Variants in ROBO2 observed in about 807,000 individuals in gnomAD.
The protein encoded by ROBO2 is roundabout homolog 2.
Under a neutral mutation model 160.8 loss-of-function variants are expected in ROBO2, and 53 were observed. The ratio of observed to expected loss-of-function variants is 0.33; its 90% CI spans 0.26 to 0.41. The LOEUF is 0.41. Among genes scored for constraint, ROBO2 ranks in the 10% least tolerant of loss-of-function variants. The pLI is 1.00. For synonymous variants in ROBO2, 664 were observed against 611.7 expected (o/e 1.09, Z -1.26); for missense variants, 1,577 against 1,722.4 (o/e 0.92, Z 1.49).
intron 21 of ROBO2, among the ~76,000 whole-genome samples, chr3:77,616,735 A>C (rs756871956): frequency 6.6e-5 from 10 of 152,132 alleles, no homozygotes; most frequent in Non-Finnish European, 1.3e-4. Context: ...AAAGCTATTG[A>C]TTTTGTCTCA....
intron 2 of ROBO2, among the ~76,000 whole-genome samples, chr3:77,304,285 C>CA (rs1189060808): frequency 1.7e-4 from 26 of 152,090 alleles, no homozygotes; most frequent in East Asian, 5.8e-4. Flanking sequence ...TAGTTTAAAA[C>CA]AAAAAAAGCT....
intron 2 of ROBO2, among the ~76,000 whole-genome samples, chr3:76,954,884 T>G (rs1160931614): frequency 6.6e-6 from 1 of 152,226 alleles, no homozygotes; most frequent in East Asian, 1.9e-4. Flanking sequence ...TAGAACATCC[T>G]TTCAATCATT....
chr3:76,734,143 G>A (rs796689874), intron 2 of ROBO2, among the ~76,000 whole-genome samples: 50 of 152,102 alleles, frequency 3.3e-4, no homozygotes, highest in African/African-American at 8.9e-4. Flanking sequence ...ACATGGGGGC[G>A]GGGGACAAAA....
intron 6 of ROBO2, among the ~76,000 whole-genome samples, chr3:77,542,958 A>C (rs979857190): frequency 6.6e-6 from 1 of 152,136 alleles, no homozygotes; most frequent in South Asian, 2.1e-4. Context: ...ATCTGTCCCT[A>C]TCTATATGAC....
chr3:76,349,867 G>A (rs1373816730), intron 2 of ROBO2, among the ~76,000 whole-genome samples: 1 of 152,036 alleles, frequency 6.6e-6, no homozygotes, highest in Non-Finnish European at 1.5e-5. Context: ...CGCTACAGAA[G>A]AGGAATTCCA....
intron 2 of ROBO2, among the ~76,000 whole-genome samples, chr3:77,354,129 T>C (rs2068727532): frequency 6.6e-6 from 1 of 152,170 alleles, no homozygotes; most frequent in African/African-American, 2.4e-5. Context: ...GCCTTGCCAT[T>C]TGGACACCTT....
At chr3:75,941,005 A>G (rs1280901789) in intron 2 of ROBO2, among the ~76,000 whole-genome samples, 2 of 152,170 alleles carry the variant, frequency 1.3e-5, no homozygotes, top group African/African-American at 2.4e-5. Context: ...AGCTCATCAC[A>G]GCGCCAAACT....
chr3:77,288,375 A>G lies in ROBO2; in HGVS notation c.389-189039A>G, dbSNP rs140181196. 1.9e-3 allele frequency among the ~76,000 whole-genome samples: 283 copies of G among 152,322 alleles called. 1 individual carries two copies. Among genetic ancestry groups the G allele is most frequent in the African/African-American group, 6.3e-3 (262 of 41,568 alleles). On this transcript the variant is annotated intron_variant, in intron 2 of 25. Coordinates refer to ENST00000461745, the Ensembl canonical transcript of ROBO2. ...GTGTTAAGCCAGCACACTTAAAAGCATACAAGTTTTTGGATAGAAAAGTCT... is the reference window on the plus strand; with the variant it reads ...GTGTTAAGCCAGCACACTTAAAAGCGTACAAGTTTTTGGATAGAAAAGTCT...
chr3:76,743,405 G>A (rs1440626265), intron 2 of ROBO2, among the ~76,000 whole-genome samples: 1 of 152,000 alleles, frequency 6.6e-6, no homozygotes, highest in Non-Finnish European at 1.5e-5. Context: ...ACCTCAGCAT[G>A]GCTCAATATT....
chr3:76,024,228 T>G (rs903729439), intron 2 of ROBO2, among the ~76,000 whole-genome samples: 21 of 151,486 alleles, frequency 1.4e-4, no homozygotes, highest in African/African-American at 5.1e-4. Context: ...AATGAGAAAA[T>G]GACCCCTTAA....
At chr3:76,472,571 C>G (rs1313117779) in intron 2 of ROBO2, among the ~76,000 whole-genome samples, 1 of 152,082 alleles carries the variant, frequency 6.6e-6, no homozygotes, top group Non-Finnish European at 1.5e-5. Flanking sequence ...ATGTCAATTG[C>G]TTTAATAACT....
intron 6 of ROBO2, among the ~76,000 whole-genome samples, chr3:77,535,691 C>G (rs2092048785): frequency 6.6e-6 from 1 of 151,998 alleles, no homozygotes; most frequent in African/African-American, 2.4e-5. Flanking sequence ...GGTAGAAAAG[C>G]AAAGCTACAA....
At chr3:76,619,949 TAAA>T (rs1460251684) in intron 2 of ROBO2, among the ~76,000 whole-genome samples, 1 of 151,992 alleles carries the variant, frequency 6.6e-6, no homozygotes, top group Non-Finnish European at 1.5e-5. Flanking sequence ...TTAATAATAA[TAAA>T]AAATAATTAT....
intron 2 of ROBO2, among the ~76,000 whole-genome samples, chr3:76,331,594 C>T (rs540145833): frequency 3.7e-4 from 57 of 152,106 alleles, no homozygotes; most frequent in Non-Finnish European, 3.2e-4. Flanking sequence ...CAGTAATATC[C>T]GGGCATCTTT....
At chr3:77,360,154 C>G (rs537045687) in intron 2 of ROBO2, among the ~76,000 whole-genome samples, 1 of 152,148 alleles carries the variant, frequency 6.6e-6, no homozygotes, top group South Asian at 2.1e-4. Context: ...ACTTCTTTAT[C>G]AGTCACCACA....
At chr3:77,180,435 T>TATG (rs1491200828) in intron 2 of ROBO2, among the ~76,000 whole-genome samples, 2 of 63,934 alleles carry the variant, frequency 3.1e-5, no homozygotes, top group African/African-American at 1.3e-4. Flanking sequence ...TATATATGTA[T>TATG]TTTTTTTTTT....
At chr3:76,313,959 T>C (rs17140643) in intron 2 of ROBO2, among the ~76,000 whole-genome samples, 123,879 of 152,006 alleles carry the variant, frequency 0.81, 53,044 homozygotes, top group East Asian at 0.96. Context: ...TGAGGAGTGA[T>C]ACGAGCAGCA....
chr3:77,584,084 C>G (rs905811917), intron 16 of ROBO2, among the ~76,000 whole-genome samples: 2 of 152,088 alleles, frequency 1.3e-5, no homozygotes, highest in South Asian at 4.1e-4. Flanking sequence ...TCAGGGTTCA[C>G]CTTTGGATGT....
At chr3:76,794,246 C>T (rs1002057915) in intron 2 of ROBO2, among the ~76,000 whole-genome samples, 3 of 151,902 alleles carry the variant, frequency 2.0e-5, no homozygotes, top group East Asian at 1.9e-4. Flanking sequence ...TATATATTTA[C>T]GTTCTGGAAA....
Sources: allele counts gnomAD v4.1 joint callset (sites outside exome capture counted in the v4.1 genomes callset), GRCh38; gene constraint gnomAD v4.1.1; transcripts MANE v1.5; gene names NCBI Gene and HGNC (gene_info 2026-07-23, HGNC 2026-07-21).